The following BPIFB1 variants were observed in gnomAD, a reference collection of about 807,000 sequenced individuals.
BPIFB1 encodes BPI fold containing family B member 1, also known as BPI fold-containing family B member 1.
A neutral mutation model predicts 55.1 loss-of-function variants in BPIFB1; 34 were observed. The observed-to-expected ratio is 0.62, with a 90% CI of 0.47 to 0.82. The LOEUF (loss-of-function observed/expected upper bound fraction) is 0.82. Among genes scored for constraint, BPIFB1 ranks in the 40% least tolerant of loss-of-function variants. The probability of loss-of-function intolerance (pLI) is 0.00; values close to 1 mark genes in which losing one functional copy is unlikely to be tolerated. For missense variants in BPIFB1, 532 were observed against 593.1 expected (o/e 0.90, Z 1.07); for synonymous variants, 236 against 245.3 (o/e 0.96, Z 0.35).
In BPIFB1 at chr20:33,306,071, T is replaced by C; in HGVS notation, c.1318+6T>C. The C allele has an allele frequency of 6.2e-7, 1 of 1,614,046 alleles. No homozygotes were observed. Among genetic ancestry groups the C allele is most frequent in the South Asian group, 1.1e-5 (1 of 91,066 alleles). ...CCTGCTGCCGAACCAGAATGGTGCA[T>C]ACCTCTGCCATCTGTGCCCCCTCTC... On this transcript the variant is annotated splice_donor_region_variant and intron_variant, in intron 14 of 15. Coordinates refer to ENST00000253354, the MANE Select transcript of BPIFB1 (RefSeq NM_033197.3).
At chr20:33,306,779 C>T (rs919824612) in intron 14 of BPIFB1, 132 bp from the exon 15 acceptor site, 26 of 749,892 alleles carry the variant, frequency 3.5e-5, no homozygotes, top group African/African-American at 2.1e-4. Context: ...AGAGAACAGG[C>T]GAGCAGAGGC....
chr20:33,302,728 C>G, intron 10 of BPIFB1, 188 bp from the exon 11 acceptor site: 1 of 689,458 alleles, frequency 1.5e-6, no homozygotes, highest in East Asian at 2.7e-5. Flanking sequence ...ACAGAGGGAA[C>G]AGGAGACCAA....
chr20:33,302,741 G>C, intron 10 of BPIFB1, 175 bp from the exon 11 acceptor site: 1 of 740,404 alleles, frequency 1.4e-6, no homozygotes, highest in Non-Finnish European at 2.2e-6. Context: ...GAGACCAAAG[G>C]CTGCCAGGTA....
In BPIFB1 at chr20:33,302,950, A is replaced by G. The variant is rs763673147; in HGVS notation, c.1016A>G (p.Lys339Arg). Residue 339 changes from lysine to arginine, a missense_variant, in exon 11 of 16, where the codon AAG becomes AGG. Physicochemically the swap from Lys to Arg is conservative, Grantham distance 26. Coordinates refer to ENST00000253354, the MANE Select transcript of BPIFB1 (RefSeq NM_033197.3). The stretch of plus-strand genomic sequence containing the variant: ...AAGCTGGGATCTACCCAGATCGTGA[A>G]GATCCTAACTCAGGACACTCCCGAG... ...ADKLGSTQIV[K>R]ILTQDTPEFF... is the part of the protein sequence containing the mutation. The G allele has an allele frequency of 6.2e-7, 1 of 1,614,146 alleles. No individual in the cohort carries two copies. Among genetic ancestry groups the G allele is most frequent in the East Asian group, 2.2e-5 (1 of 44,862 alleles).
chr20:33,293,157 A>T (rs1168664886), intron 6 of BPIFB1, among the ~76,000 whole-genome samples: 3 of 152,260 alleles, frequency 2.0e-5, no homozygotes, highest in African/African-American at 7.2e-5. Flanking sequence ...CCCTGACCTC[A>T]GGTGATCCGC....
At chr20:33,303,137 T>A in intron 11 of BPIFB1, 63 bp downstream of exon 11, 1 of 1,586,650 alleles carries the variant, frequency 6.3e-7, no homozygotes, top group Non-Finnish European at 8.6e-7. Context: ...ACTTTTCCTG[T>A]TCGCCCTCTT....
chr20:33,288,666 C>T, intron 2 of BPIFB1, 75 bp from the exon 3 acceptor site: 1 of 1,558,050 alleles, frequency 6.4e-7, no homozygotes, highest in Non-Finnish European at 8.7e-7. Flanking sequence ...GATACCCCTC[C>T]CCAGCCTGGA....
chr20:33,308,298 C>T (rs1472348100), intron 15 of BPIFB1, among the ~76,000 whole-genome samples: 3 of 152,146 alleles, frequency 2.0e-5, no homozygotes, highest in Non-Finnish European at 4.4e-5. Context: ...GGCGGGGACA[C>T]AGATCTAAAC....
At chr20:33,302,699 G>A (rs1980892284) in intron 10 of BPIFB1, 1 of 645,248 alleles carries the variant, frequency 1.5e-6, no homozygotes, top group Non-Finnish European at 2.7e-6. Flanking sequence ...AGGCCTCCCT[G>A]AAGGGAAGGG....
chr20:33,284,260 G>C (rs1980192914), intron 1 of BPIFB1, among the ~76,000 whole-genome samples: 1 of 152,204 alleles, frequency 6.6e-6, no homozygotes, highest in Admixed American at 6.5e-5. Context: ...AAGTGGTAGA[G>C]GCAGGCCTCC....
intron 3 of BPIFB1, 125 bp from the exon 4 acceptor site, chr20:33,289,760 G>C (rs560908542): frequency 1.3e-6 from 1 of 772,122 alleles, no homozygotes. Context: ...GAGAGGAGTC[G>C]GTGGGCAGGG....
At chr20:33,308,062 C>A in intron 15 of BPIFB1, 1 of 152,210 alleles carries the variant, frequency 6.6e-6, no homozygotes, top group Non-Finnish European at 1.5e-5. Flanking sequence ...CAGGAAACTT[C>A]CAATCATAGC....
At chr20:33,292,108 T>C (rs1422982371) in intron 6 of BPIFB1, 120 bp downstream of exon 6, 5 of 910,442 alleles carry the variant, frequency 5.5e-6, no homozygotes, top group Non-Finnish European at 7.1e-6. Flanking sequence ...CTGAAAGAAT[T>C]ATCTGGGGCT....
At chr20:33,289,532 G>T (rs73906381) in intron 3 of BPIFB1, among the ~76,000 whole-genome samples, 11,930 of 152,190 alleles carry the variant, frequency 0.078, 1,563 homozygotes, top group African/African-American at 0.27. Context: ...TGGCATCCAG[G>T]TAGAAGAATC....
chr20:33,306,130 A>G (rs1440980688), intron 14 of BPIFB1, 65 bp downstream of exon 14: 12 of 1,548,242 alleles, frequency 7.8e-6, no homozygotes, highest in South Asian at 1.1e-5. Flanking sequence ...CCCTGCCCTC[A>G]TCTCCATGAA....
chr20:33,287,489 AACAG>A (rs1980306626), intron 2 of BPIFB1, among the ~76,000 whole-genome samples: 1 of 152,218 alleles, frequency 6.6e-6, no homozygotes, highest in South Asian at 2.1e-4. Context: ...TAAGAGGGAA[AACAG>A]ACAGAGCTCT....
At chr20:33,290,910 C>T in intron 4 of BPIFB1, 47 bp from the exon 5 acceptor site, 1 of 1,597,594 alleles carries the variant, frequency 6.3e-7, no homozygotes, top group South Asian at 1.1e-5. Flanking sequence ...GTTGCTCCAG[C>T]CCGAGCTTGC....
At chr20:33,307,727 G>A (rs11905391) in intron 15 of BPIFB1, 5,372 of 152,254 alleles carry the variant, frequency 0.035, 124 homozygotes, top group Middle Eastern at 0.057. Context: ...CAGCCTGGCC[G>A]ACATGGCAAA....
At position 33,290,001 on chromosome 20, in the gene BPIFB1, C is replaced by A. The variant is rs1015229119; in HGVS notation, c.365+9C>A. 1.1e-5 allele frequency: 17 copies of A among 1,607,390 alleles called. No individual in the cohort carries two copies. Among genetic ancestry groups the A allele is most frequent in the Non-Finnish European group, 1.4e-5 (16 of 1,174,032 alleles). On this transcript the variant is annotated intron_variant, in intron 4 of 15. Transcript: ENST00000253354. ...GTGGCTGGATTCAACACGTGAGTGA[C>A]CCCTCCATCAAGTACAGTAGGCTTG...
Sources: gnomAD v4.1 joint callset for allele counts (sites outside exome capture counted in the v4.1 genomes callset) on GRCh38, gnomAD v4.1.1 for gene constraint, MANE v1.5 for transcripts, NCBI Gene and HGNC (gene_info 2026-07-23, HGNC 2026-07-21) for gene names.